The following DCAF1 variants were observed in gnomAD, a reference collection of about 807,000 sequenced individuals.
DCAF1 encodes the protein DDB1- and CUL4-associated factor 1.
Under a neutral mutation model 128.0 loss-of-function variants are expected in DCAF1, and 15 were observed. That is an observed-to-expected ratio of 0.12 (90% confidence interval 0.08 to 0.18). The LOEUF (loss-of-function observed/expected upper bound fraction) is 0.18, where lower values mean the gene tolerates loss of function less well. Ranked by LOEUF, DCAF1 falls within the 10% of genes least tolerant of loss-of-function variation. The pLI is 1.00. For synonymous variants in DCAF1, 610 were observed against 603.0 expected, an observed-to-expected ratio of 1.01 and a Z score of -0.17; for missense variants, 988 against 1,649.5, an observed-to-expected ratio of 0.60 and a Z score of 6.95.
intron 6 of DCAF1, among the ~76,000 whole-genome samples, chr3:51,454,712 C>G (rs1553642385): frequency 6.6e-6 from 1 of 151,696 alleles, no homozygotes. Flanking sequence ...CTCGCTCTGT[C>G]GCCCAGGCTG....
At chr3:51,428,690 C>A (rs1700115992) in intron 12 of DCAF1, among the ~76,000 whole-genome samples, 1 of 152,094 alleles carries the variant, frequency 6.6e-6, no homozygotes, top group Non-Finnish European at 1.5e-5. Flanking sequence ...TCATCTAGTA[C>A]TTTTCATACA....
At chr3:51,414,186 T>A in intron 19 of DCAF1, 143 bp from the exon 20 acceptor site, 1 of 1,142,684 alleles carries the variant, frequency 8.8e-7, no homozygotes, top group Non-Finnish European at 1.2e-6. Context: ...AACAAATACA[T>A]GTAGAATGCA....
intron 23 of DCAF1, among the ~76,000 whole-genome samples, chr3:51,404,617 C>T (rs2106904204): frequency 6.6e-6 from 1 of 152,316 alleles, no homozygotes; most frequent in Middle Eastern, 3.4e-3. Flanking sequence ...TTTTGATAAA[C>T]TGTGTAATTC....
chr3:51,424,172 C>T (rs543158508), intron 13 of DCAF1, among the ~76,000 whole-genome samples: 1 of 151,942 alleles, frequency 6.6e-6, no homozygotes, highest in South Asian at 2.1e-4. Flanking sequence ...GAGACCAGGG[C>T]AGGTGGATCA....
intron 6 of DCAF1, among the ~76,000 whole-genome samples, chr3:51,462,801 A>C (rs1042902347): frequency 2.6e-5 from 4 of 151,838 alleles, no homozygotes; most frequent in Non-Finnish European, 4.4e-5. Context: ...TTGTCAAAAT[A>C]ACTATTTTTA....
intron 23 of DCAF1, among the ~76,000 whole-genome samples, chr3:51,407,813 C>A (rs1383148902): frequency 1.3e-5 from 2 of 151,782 alleles, no homozygotes; most frequent in African/African-American, 2.4e-5. Context: ...CATGGTGAAA[C>A]CCCATCTCTA....
At chr3:51,435,235 G>A (rs1252723239) in intron 9 of DCAF1, among the ~76,000 whole-genome samples, 1 of 152,110 alleles carries the variant, frequency 6.6e-6, no homozygotes, top group East Asian at 1.9e-4. Context: ...AATAGCAACT[G>A]CCCAATCCCT....
intron 3 of DCAF1, among the ~76,000 whole-genome samples, chr3:51,482,437 T>C (rs1285717315): frequency 6.7e-6 from 1 of 149,796 alleles, no homozygotes; most frequent in African/African-American, 2.5e-5. Flanking sequence ...AGACCCTGTC[T>C]CCAAAAAAAC....
intron 1 of DCAF1, among the ~76,000 whole-genome samples, chr3:51,498,945 T>C (rs1483350776): frequency 6.6e-6 from 1 of 152,142 alleles, no homozygotes; most frequent in East Asian, 1.9e-4. Flanking sequence ...AAGATGCTAC[T>C]AATATAAAAA....
rs143173240 is a variant in DCAF1 at position 51,467,073 on chromosome 3, C to T, written c.188-197G>A. 4.7e-3 allele frequency among the ~76,000 whole-genome samples: 720 copies of T among 152,284 alleles called. 4 individuals are homozygous for T. The highest frequency in any genetic ancestry group is 0.02 in the South Asian group (95 of 4,830). ...TTTAGGCCAGGCGCAGTAGCTCATG[C>T]CTGTAATCCCAGCACTTTGGGAGGC... On this transcript the variant is annotated intron_variant, in intron 4 of 24. Transcript: ENST00000684031.
At chr3:51,499,653 G>T (rs1281747712) in intron 1 of DCAF1, among the ~76,000 whole-genome samples, 1 of 151,742 alleles carries the variant, frequency 6.6e-6, no homozygotes, top group Non-Finnish European at 1.5e-5. Flanking sequence ...GAGGAAGAAC[G>T]TGGAGGCCCC....
intron 3 of DCAF1, among the ~76,000 whole-genome samples, chr3:51,478,011 G>T (rs1001691747): frequency 4.6e-5 from 7 of 150,862 alleles, no homozygotes; most frequent in African/African-American, 1.2e-4. Context: ...GTTAGTTTTT[G>T]TTGTTGTTGT....
intron 9 of DCAF1, chr3:51,438,121 G>A (rs1328140911): frequency 2.4e-6 from 1 of 411,256 alleles, no homozygotes. Context: ...AGTTTGGTGT[G>A]GTTATGCATT....
At chr3:51,417,994 G>A in intron 17 of DCAF1, 122 bp downstream of exon 17, 2 of 1,243,508 alleles carry the variant, frequency 1.6e-6, no homozygotes, top group Non-Finnish European at 1.1e-6. Flanking sequence ...GAGGAAGAGA[G>A]AAGTTAACAA....
chr3:51,478,308 G>A (rs112305753), intron 3 of DCAF1, among the ~76,000 whole-genome samples: 1,952 of 152,158 alleles, frequency 0.013, 21 homozygotes, highest in South Asian at 0.024. Flanking sequence ...CCAGGCCTCC[G>A]TTAGTCTTAG....
At chr3:51,504,328 G>A (rs781853631), upstream of DCAF1, among the ~76,000 whole-genome samples, 5 of 151,632 alleles carry the variant, frequency 3.3e-5, no homozygotes, top group African/African-American at 7.3e-5. Flanking sequence ...GAGCCACCGC[G>A]CCTGGCAACC....
chr3:51,414,139 G>A, intron 19 of DCAF1, 96 bp from the exon 20 acceptor site: 1 of 1,418,334 alleles, frequency 7.1e-7, no homozygotes, highest in Non-Finnish European at 9.3e-7. Flanking sequence ...CCTCCTGCCA[G>A]GTATTGATAC....
At chr3:51,446,880 A>G (rs1701902213) in intron 6 of DCAF1, among the ~76,000 whole-genome samples, 1 of 150,498 alleles carries the variant, frequency 6.6e-6, no homozygotes, top group Non-Finnish European at 1.5e-5. Context: ...AGAATCGCTG[A>G]GCCCGGAAGG....
intron 5 of DCAF1, among the ~76,000 whole-genome samples, chr3:51,465,252 T>C (rs923516161): frequency 1.3e-5 from 2 of 152,176 alleles, no homozygotes; most frequent in Non-Finnish European, 2.9e-5. Context: ...AAGGACACTT[T>C]ATAGCTGACT....
Sources: allele counts gnomAD v4.1 joint callset (sites outside exome capture counted in the v4.1 genomes callset), GRCh38; gene constraint gnomAD v4.1.1; transcripts MANE v1.5; gene names NCBI Gene and HGNC (gene_info 2026-07-23, HGNC 2026-07-21).